The following ACOT8 variants were observed in gnomAD, a reference collection of about 807,000 sequenced individuals.
ACOT8 encodes acyl-CoA thioesterase 8, also known as acyl-coenzyme A thioesterase 8.
A neutral mutation model predicts 38.4 loss-of-function variants in ACOT8; 31 were observed. The ratio of observed to expected loss-of-function variants is 0.81; its 90% CI spans 0.61 to 1.09. The LOEUF is 1.09. ACOT8 is among the 50% of genes least tolerant of loss of function. ACOT8 has a pLI of 0.00. For missense variants in ACOT8, 373 were observed against 421.8 expected (o/e 0.88, Z 1.01); for synonymous variants, 158 against 170.3 (o/e 0.93, Z 0.56).
intron 1 of ACOT8, 115 bp downstream of exon 1, chr20:45,857,073 G>A: frequency 8.0e-7 from 1 of 1,250,386 alleles, no homozygotes; most frequent in Non-Finnish European, 1.1e-6. Flanking sequence ...TCGTGGCAGA[G>A]GGTGCATCCC....
chr20:45,853,027 C>T (rs2145774545), intron 2 of ACOT8, among the ~76,000 whole-genome samples: 1 of 152,288 alleles, frequency 6.6e-6, no homozygotes, highest in African/African-American at 2.4e-5. Context: ...CCTCGGCTTC[C>T]CAAAGTGCTA....
intron 1 of ACOT8, among the ~76,000 whole-genome samples, chr20:45,856,498 G>A (rs1985441873): frequency 6.6e-6 from 1 of 152,106 alleles, no homozygotes; most frequent in Non-Finnish European, 1.5e-5. Flanking sequence ...TGGCCAACAC[G>A]GTGAAACCCC....
At chr20:45,850,196 C>T (rs1488744527) in intron 2 of ACOT8, among the ~76,000 whole-genome samples, 2 of 152,018 alleles carry the variant, frequency 1.3e-5, no homozygotes, top group African/African-American at 2.4e-5. Flanking sequence ...TGCAGTGAGC[C>T]GAAATTGCAC....
Position 45,841,799 on chromosome 20 carries a change from G to A in ACOT8, c.*39C>T, listed in dbSNP as rs145182943. 911 of 1,554,484 alleles carry A rather than the reference G, an allele frequency of 5.9e-4. 6 individuals carry two copies. The African/African-American group carries it at 0.011, about 19-fold the overall frequency. On this transcript the variant is annotated 3_prime_UTR_variant, in exon 6 of 6. Coordinates refer to ENST00000217455, the MANE Select transcript of ACOT8 (RefSeq NM_005469.4). ...CCTGTCTCAGGAATGGGGATAGATG[G>A]GAGGTTCTTGAAGCCCCAGGCGAAG...
At position 45,844,356 on chromosome 20, in the gene ACOT8, TGGG is replaced by T; in HGVS notation, c.550_552del (p.Pro184del). On this transcript the variant is annotated inframe_deletion, in exon 4 of 6. Coordinates refer to ENST00000217455, the MANE Select transcript of ACOT8 (RefSeq NM_005469.4). ...GATGGGTTTACTGGCTTGATCTCAA[TGGG>T]GACCTCCTGAGCAGCAATTCGGTTG... 6.2e-7 allele frequency: 1 copy of T among 1,614,116 alleles called. No individual in the cohort carries two copies. The highest frequency in any genetic ancestry group is 8.5e-7 in the Non-Finnish European group (1 of 1,179,998).
chr20:45,854,859 A>G (rs1307684012), intron 2 of ACOT8, among the ~76,000 whole-genome samples: 1 of 152,190 alleles, frequency 6.6e-6, no homozygotes, highest in Non-Finnish European at 1.5e-5. Context: ...AGCGCTCCGC[A>G]CCAGGAGCTA....
At chr20:45,842,639 T>A in intron 5 of ACOT8, 1 of 993,020 alleles carries the variant, frequency 1.0e-6, no homozygotes, top group Non-Finnish European at 1.2e-6. Flanking sequence ...CTGGTTTCCC[T>A]TACACATAGC....
At chr20:45,848,209 C>G (rs1984812967) in intron 3 of ACOT8, among the ~76,000 whole-genome samples, 1 of 152,166 alleles carries the variant, frequency 6.6e-6, no homozygotes, top group Admixed American at 6.5e-5. Context: ...TGCACCCGGC[C>G]AAGCCCTTCA....
chr20:45,852,136 G>C (rs1216317863), intron 2 of ACOT8, among the ~76,000 whole-genome samples: 1 of 151,704 alleles, frequency 6.6e-6, no homozygotes, highest in Admixed American at 6.6e-5. Context: ...CCGAGTAGCT[G>C]GGATCACGGG....
At chr20:45,856,298 A>G (rs1985420731) in intron 1 of ACOT8, among the ~76,000 whole-genome samples, 1 of 151,954 alleles carries the variant, frequency 6.6e-6, no homozygotes, top group Admixed American at 6.6e-5. Flanking sequence ...CCAAGAAGTT[A>G]TTTACAATTC....
rs141643903 is a variant in ACOT8, at chr20:45,841,879, C to T, written c.919G>A (p.Val307Met). ...VLAVTCAQEGVIRVKPQVSES... is the reference protein window; with the variant it reads ...VLAVTCAQEGMIRVKPQVSES... Reference sequence around the variant, plus strand: ...GAGACCTGGGGCTTCACTCGGATCACGCCCTCCTGGGCACAGGTCACAGCT... The same window carrying T: ...GAGACCTGGGGCTTCACTCGGATCATGCCCTCCTGGGCACAGGTCACAGCT... Residue 307 changes from valine (V) to methionine (M), a missense_variant, in exon 6 of 6, where the codon GTG (valine) becomes ATG (methionine). Physicochemically the swap from Val to Met is conservative, Grantham distance 21 (BLOSUM62 1). Coordinates refer to ENST00000217455, the MANE Select transcript of ACOT8 (RefSeq NM_005469.4). 855 of 1,610,094 alleles carry T rather than the reference C, an allele frequency of 5.3e-4. 2 individuals carry two copies. The highest frequency in any genetic ancestry group is 4.8e-4 in the Non-Finnish European group (571 of 1,179,014).
At position 45,855,156 on chromosome 20, in the gene ACOT8, T is replaced by C. The variant is rs1315424748; in HGVS notation, c.262+3A>G. On this transcript the variant is annotated splice_donor_region_variant and intron_variant, in intron 2 of 5. Coordinates refer to ENST00000217455, the MANE Select transcript of ACOT8 (RefSeq NM_005469.4). ...GGGTTGGGGCAGGAAGTGGGGGGTT[T>C]ACCTGCCCGAACAAAGTAGCAGTGC... 1.2e-6 allele frequency: 2 copies of C among 1,613,844 alleles called. No homozygotes were observed. The highest frequency in any genetic ancestry group is 3.3e-5 in the Admixed American group (2 of 59,992).
chr20:45,849,637 G>A (rs1042267694), intron 2 of ACOT8, among the ~76,000 whole-genome samples: 1 of 152,110 alleles, frequency 6.6e-6, no homozygotes, highest in Non-Finnish European at 1.5e-5. Flanking sequence ...TTTTTGTAGA[G>A]ATGGGGTTTC....
At chr20:45,857,097 C>T in intron 1 of ACOT8, 91 bp downstream of exon 1, 2 of 1,477,128 alleles carry the variant, frequency 1.4e-6, no homozygotes, top group Non-Finnish European at 1.8e-6. Flanking sequence ...CAGAGCCATA[C>T]TAGTCCCGGA....
chr20:45,844,246 C>A lies in ACOT8; in HGVS notation c.646+17G>T, dbSNP rs966051704. 5 of 1,614,048 alleles carry A rather than the reference C, an allele frequency of 3.1e-6. No homozygotes were observed. The highest frequency in any genetic ancestry group is 4.2e-6 in the Non-Finnish European group (5 of 1,180,046). ...CCCTTGGAGAGTGGTTTCCTCCCATCCATGGGGTACTCTTACCAATATAGC... is the reference window on the plus strand; with the variant it reads ...CCCTTGGAGAGTGGTTTCCTCCCATACATGGGGTACTCTTACCAATATAGC... On this transcript the variant is annotated intron_variant, in intron 4 of 5. Transcript: ENST00000217455.
intron 4 of ACOT8, 176 bp from the exon 5 acceptor site, chr20:45,843,897 G>A (rs550120835): frequency 1.5e-6 from 2 of 1,302,454 alleles, no homozygotes; most frequent in African/African-American, 3.0e-5. Context: ...ACTTGGGGAG[G>A]GCAGGGGTGA....
chr20:45,855,297 A>C lies in ACOT8; in HGVS notation c.129-5T>G. 6.2e-7 allele frequency: 1 copy of C among 1,613,944 alleles called. No individual in the cohort carries two copies. The highest frequency in any genetic ancestry group is 8.5e-7 in the Non-Finnish European group (1 of 1,179,982). ...GGTACCCAGTAATGCCTTCCTCTGT[A>C]GGGAGAGGGGGAAAGAGGGAAAGAC... On this transcript the variant is annotated splice_region_variant and splice_polypyrimidine_tract_variant and intron_variant, in intron 1 of 5. Transcript: ENST00000217455.
intron 4 of ACOT8, 88 bp from the exon 5 acceptor site, chr20:45,843,809 T>G (rs781595746): frequency 1.3e-6 from 2 of 1,543,932 alleles, no homozygotes; most frequent in Non-Finnish European, 8.7e-7. Flanking sequence ...CTCCCGTGCA[T>G]GGGTGTGCAG....
intron 4 of ACOT8, 112 bp from the exon 5 acceptor site, chr20:45,843,833 C>G: frequency 6.7e-7 from 1 of 1,493,920 alleles, no homozygotes; most frequent in Non-Finnish European, 8.9e-7. Flanking sequence ...GGTTGCTGCA[C>G]AAGAGCGCTT....
Sources: gnomAD v4.1 joint callset for allele counts (sites outside exome capture counted in the v4.1 genomes callset) on GRCh38, gnomAD v4.1.1 for gene constraint, MANE v1.5 for transcripts, NCBI Gene and HGNC (gene_info 2026-07-23, HGNC 2026-07-21) for gene names.